Variants in GALNT14 observed in about 807,000 individuals in gnomAD.
GALNT14 encodes UDP-GalNAc:polypeptide N-acetylgalactosaminyltransferase 14.
GALNT14 carries 60 observed loss-of-function variants against 77.5 expected under a neutral mutation model. That is an observed-to-expected ratio of 0.77 (90% CI 0.63 to 0.96). GALNT14 has a LOEUF of 0.96. GALNT14 is among the 40% of genes least tolerant of loss of function. GALNT14 has a pLI of 0.00. For synonymous variants in GALNT14, 280 were observed against 281.7 expected (o/e 0.99, Z 0.06); for missense variants, 710 against 731.0 (o/e 0.97, Z 0.33).
chr2:31,013,096 C>T (rs544745623), intron 1 of GALNT14, among the ~76,000 whole-genome samples: 18 of 152,146 alleles, frequency 1.2e-4, no homozygotes, highest in Non-Finnish European at 2.2e-4. Context: ...CACTCTTGAG[C>T]AGTGGGACCT....
chr2:31,028,000 T>C (rs1672176481), intron 1 of GALNT14, among the ~76,000 whole-genome samples: 1 of 151,956 alleles, frequency 6.6e-6, no homozygotes, highest in Non-Finnish European at 1.5e-5. Flanking sequence ...ACTTAGTCCA[T>C]AGCTAATGAG....
chr2:31,113,812 G>A (rs886650409), intron 1 of GALNT14, among the ~76,000 whole-genome samples: 3 of 152,210 alleles, frequency 2.0e-5, no homozygotes, highest in Non-Finnish European at 1.5e-5. Flanking sequence ...CAGGCACAGA[G>A]GGAGGTGGGG....
chr2:30,975,893 A>G (rs1441443720), intron 2 of GALNT14, among the ~76,000 whole-genome samples: 1 of 152,226 alleles, frequency 6.6e-6, no homozygotes, highest in African/African-American at 2.4e-5. Context: ...GAGTATTTAA[A>G]CACCAGAAAA....
At chr2:31,058,857 C>A (rs970445914) in intron 1 of GALNT14, among the ~76,000 whole-genome samples, 17 of 152,074 alleles carry the variant, frequency 1.1e-4, no homozygotes, top group Non-Finnish European at 2.1e-4. Context: ...ATACGAGAAC[C>A]AGGCTGAGTT....
At chr2:30,989,763 G>A (rs984476163) in intron 2 of GALNT14, among the ~76,000 whole-genome samples, 4 of 147,246 alleles carry the variant, frequency 2.7e-5, no homozygotes, top group African/African-American at 1.0e-4. Context: ...AATTAGGTAG[G>A]ATCATTATTG....
chr2:31,051,561 T>C (rs1474220711), intron 1 of GALNT14, among the ~76,000 whole-genome samples: 1 of 152,178 alleles, frequency 6.6e-6, no homozygotes, highest in East Asian at 1.9e-4. Context: ...AGCCGGACCT[T>C]TGGATTTCAG....
At chr2:31,096,944 G>A (rs911787305) in intron 1 of GALNT14, among the ~76,000 whole-genome samples, 4 of 152,022 alleles carry the variant, frequency 2.6e-5, no homozygotes, top group East Asian at 1.9e-4. Flanking sequence ...CTCTAATCGC[G>A]TCCCATTAAA....
intron 1 of GALNT14, among the ~76,000 whole-genome samples, chr2:31,031,222 A>T (rs1279307621): frequency 6.6e-6 from 1 of 152,150 alleles, no homozygotes; most frequent in African/African-American, 2.4e-5. Context: ...GAAATGTCTT[A>T]GGAGTCCTGT....
the GALNT14 span, among the ~76,000 whole-genome samples, chr2:30,887,351 T>C: frequency 6.6e-6 from 1 of 152,172 alleles, no homozygotes; most frequent in Non-Finnish European, 1.5e-5. Context: ...TGTGTAACGG[T>C]TTCAATTTCT....
chr2:30,897,638 C>A, the GALNT14 span, among the ~76,000 whole-genome samples: 1 of 152,192 alleles, frequency 6.6e-6, no homozygotes, highest in South Asian at 2.1e-4. Flanking sequence ...GTGTCTCCTG[C>A]CGTTTTCTTC....
intron 1 of GALNT14, among the ~76,000 whole-genome samples, chr2:31,136,744 A>C (rs1271697113): frequency 6.6e-6 from 1 of 152,176 alleles, no homozygotes; most frequent in Non-Finnish European, 1.5e-5. Context: ...TGGAGTTCAA[A>C]CCAGTAGAAC....
intron 9 of GALNT14, among the ~76,000 whole-genome samples, chr2:30,935,325 T>C (rs1665987601): frequency 6.6e-6 from 1 of 152,174 alleles, no homozygotes; most frequent in South Asian, 2.1e-4. Context: ...GAGCTGTGGA[T>C]GCAAAGAAAC....
intron 1 of GALNT14, among the ~76,000 whole-genome samples, chr2:30,996,449 G>T (rs188197655): frequency 6.6e-6 from 1 of 152,358 alleles, no homozygotes; most frequent in Admixed American, 6.5e-5. Context: ...TGGAACTGGG[G>T]CCTGCCTAGT....
the GALNT14 span, among the ~76,000 whole-genome samples, chr2:30,892,712 G>T: frequency 6.6e-6 from 1 of 152,156 alleles, no homozygotes; most frequent in Non-Finnish European, 1.5e-5. Context: ...CCATTGTGTG[G>T]GTATGGCAAC....
chr2:30,998,998 C>G (rs1670200668), intron 1 of GALNT14, among the ~76,000 whole-genome samples: 1 of 152,214 alleles, frequency 6.6e-6, no homozygotes, highest in African/African-American at 2.4e-5. Flanking sequence ...AAACCCTTCT[C>G]CTCCCAGCAG....
intron 3 of GALNT14, among the ~76,000 whole-genome samples, chr2:30,960,910 G>A (rs1415326238): frequency 6.6e-6 from 1 of 152,196 alleles, no homozygotes; most frequent in East Asian, 1.9e-4. Flanking sequence ...CTCAGCATGG[G>A]AATAAATGCT....
At chr2:31,125,316 G>T in intron 1 of GALNT14, 1 of 1,190,330 alleles carries the variant, frequency 8.4e-7, no homozygotes, top group South Asian at 1.3e-5. Flanking sequence ...TAGCAGCATT[G>T]ATTTCACAGA....
chr2:31,097,521 A>G (rs1203046234), intron 1 of GALNT14, among the ~76,000 whole-genome samples: 2 of 111,996 alleles, frequency 1.8e-5, no homozygotes, highest in Non-Finnish European at 3.8e-5. Flanking sequence ...ATAAACAAAC[A>G]AGCAAAAAAA....
rs372269289 is a variant in GALNT14, at chr2:31,117,626, T to A, written c.129+20332A>T. Among the ~76,000 whole-genome samples the A allele has an allele frequency of 1.1e-4, 17 of 152,240 alleles. No individual in the cohort carries two copies. The East Asian group carries it at 2.9e-3, about 26-fold the overall frequency. The stretch of plus-strand genomic sequence containing the variant: ...TGTAGAACACAGAATTAGAAGACAC[T>A]ACTATGTGCAACTTTGGTAAAATTT... On this transcript the variant is annotated intron_variant, in intron 1 of 14. Coordinates refer to ENST00000349752, the MANE Select transcript of GALNT14 (RefSeq NM_024572.4).
Sources: allele counts gnomAD v4.1 joint callset (sites outside exome capture counted in the v4.1 genomes callset), GRCh38; gene constraint gnomAD v4.1.1; transcripts MANE v1.5; gene names NCBI Gene and HGNC (gene_info 2026-07-23, HGNC 2026-07-21).